OPCML: variants seen among roughly 807,000 people sequenced by gnomAD.
The protein encoded by OPCML is opioid binding protein/cell adhesion molecule like, also known as opioid-binding protein/cell adhesion molecule.
OPCML carries 13 observed loss-of-function variants against 37.8 expected under a neutral mutation model. The ratio of observed to expected loss-of-function variants is 0.34; its 90% confidence interval spans 0.22 to 0.55. The LOEUF is 0.55. OPCML is among the 20% of genes least tolerant of loss of function. OPCML has a pLI of 0.91. For synonymous variants in OPCML, 176 were observed against 168.8 expected, an observed-to-expected ratio of 1.04 and a Z score of -0.33; for missense variants, 341 against 435.6, an observed-to-expected ratio of 0.78 and a Z score of 1.93.
chr11:133,531,592 A>T (rs1419499954), intron 1 of OPCML, among the ~76,000 whole-genome samples: 2 of 152,134 alleles, frequency 1.3e-5, no homozygotes, highest in Non-Finnish European at 1.5e-5. Flanking sequence ...GACGGCAGGC[A>T]GTAGAGGGCC....
At chr11:132,924,657 C>A (rs1176735296) in intron 2 of OPCML, among the ~76,000 whole-genome samples, 1 of 152,184 alleles carries the variant, frequency 6.6e-6, no homozygotes. Context: ...TTTTTCCCCG[C>A]TAGTATCTTC....
intron 4 of OPCML, among the ~76,000 whole-genome samples, chr11:132,525,146 C>T (rs759601898): frequency 3.9e-4 from 59 of 152,276 alleles, no homozygotes; most frequent in Non-Finnish European, 6.5e-4. Flanking sequence ...TATCTGTCTA[C>T]TTTTTATATT....
rs374823658 is a variant in OPCML, at chr11:132,972,407, G to A, written c.62-29397C>T. ...GGCATGAGGGCCATCCACCTGGCAG[G>A]GGTTGTCTGAAAGCAACAGGCAACA... On this transcript the variant is annotated intron_variant, in intron 1 of 7. Coordinates refer to ENST00000524381, the MANE Select transcript of OPCML (RefSeq NM_001012393.5). Among the ~76,000 whole-genome samples, 9 of 152,260 alleles carry A rather than the reference G, an allele frequency of 5.9e-5. No homozygotes were observed. The East Asian group carries it at 1.4e-3, about 23-fold the overall frequency.
At chr11:133,098,226 T>C (rs1949033165) in intron 1 of OPCML, among the ~76,000 whole-genome samples, 1 of 151,064 alleles carries the variant, frequency 6.6e-6, no homozygotes, top group Non-Finnish European at 1.5e-5. Flanking sequence ...TTTTTTTTTT[T>C]TTTTTTGGAG....
chr11:133,507,946 CA>C (rs200433156), intron 1 of OPCML, among the ~76,000 whole-genome samples: 16,783 of 98,582 alleles, frequency 0.17, 1,262 homozygotes, highest in African/African-American at 0.3. Context: ...AAGTATGTCT[CA>C]AAAAAAAAAA....
chr11:133,310,691 C>G (rs562627109), intron 1 of OPCML, among the ~76,000 whole-genome samples: 2 of 152,264 alleles, frequency 1.3e-5, no homozygotes, highest in Non-Finnish European at 2.9e-5. Context: ...CCTGGAAGGA[C>G]TGTTCCCACC....
At chr11:132,843,568 G>A (rs1412370226) in intron 2 of OPCML, among the ~76,000 whole-genome samples, 1 of 150,950 alleles carries the variant, frequency 6.6e-6, no homozygotes, top group Non-Finnish European at 1.5e-5. Context: ...GTGAGTGCAT[G>A]TAAAACATCT....
chr11:133,148,443 C>T (rs148903422), intron 1 of OPCML, among the ~76,000 whole-genome samples: 42 of 152,342 alleles, frequency 2.8e-4, no homozygotes, highest in African/African-American at 9.4e-4. Flanking sequence ...ATGGCTCCAA[C>T]CTCTCTGAAA....
chr11:133,277,999 C>T (rs1186049320), intron 1 of OPCML, among the ~76,000 whole-genome samples: 1 of 152,086 alleles, frequency 6.6e-6, no homozygotes. Flanking sequence ...TCTGGAATGC[C>T]TCAGCAGCCC....
At chr11:132,718,698 C>T (rs1226169899) in intron 2 of OPCML, among the ~76,000 whole-genome samples, 2 of 152,130 alleles carry the variant, frequency 1.3e-5, no homozygotes, top group Non-Finnish European at 2.9e-5. Flanking sequence ...GACAGCAATG[C>T]TCTCACTGCA....
At chr11:133,120,843 G>T (rs1440542035) in intron 1 of OPCML, among the ~76,000 whole-genome samples, 1 of 152,116 alleles carries the variant, frequency 6.6e-6, no homozygotes, top group African/African-American at 2.4e-5. Flanking sequence ...GCTTCCAATG[G>T]CCAGGAAGAT....
intron 2 of OPCML, among the ~76,000 whole-genome samples, chr11:132,750,508 T>C (rs1337020752): frequency 6.6e-6 from 1 of 152,068 alleles, no homozygotes; most frequent in African/African-American, 2.4e-5. Flanking sequence ...GTGGCATGGG[T>C]GCGTGCACAC....
At chr11:132,454,402 C>T (rs888207467) in intron 4 of OPCML, among the ~76,000 whole-genome samples, 4 of 152,298 alleles carry the variant, frequency 2.6e-5, no homozygotes, top group African/African-American at 9.6e-5. Context: ...AGGACCGATG[C>T]TCAGTGAGCC....
chr11:132,705,742 ACTT>A (rs1944007257), intron 2 of OPCML, among the ~76,000 whole-genome samples: 1 of 152,142 alleles, frequency 6.6e-6, no homozygotes, highest in Non-Finnish European at 1.5e-5. Flanking sequence ...TTCATGCTGT[ACTT>A]CTTCTAAAGC....
rs189559590 is a variant in OPCML at position 132,784,581 on chromosome 11, C to A, written c.147-127262G>T. ...ACTGATGTGCGATATGGTTCGAATG[C>A]TTTGTCCCCCCCACCCCAATCTTAT... is the stretch of plus-strand genomic sequence containing the variant. On this transcript the variant is annotated intron_variant, in intron 2 of 7. Transcript: ENST00000524381. 8.6e-4 allele frequency among the ~76,000 whole-genome samples: 131 copies of A among 152,218 alleles called. 1 individual carries two copies. The highest frequency in any genetic ancestry group is 1.4e-3 in the Non-Finnish European group (95 of 68,018).
intron 1 of OPCML, among the ~76,000 whole-genome samples, chr11:133,291,924 A>G (rs904528321): frequency 3.3e-5 from 5 of 152,234 alleles, no homozygotes; most frequent in African/African-American, 4.8e-5. Flanking sequence ...CTCGCTCTGG[A>G]TGTGCGATTC....
intron 2 of OPCML, among the ~76,000 whole-genome samples, chr11:132,823,688 A>C (rs1305485084): frequency 1.3e-5 from 2 of 152,078 alleles, no homozygotes; most frequent in Admixed American, 1.3e-4. Context: ...AGCAAAACAT[A>C]ACAAAAGAAT....
intron 2 of OPCML, among the ~76,000 whole-genome samples, chr11:132,743,867 A>G (rs1042816421): frequency 6.6e-6 from 1 of 152,188 alleles, no homozygotes; most frequent in African/African-American, 2.4e-5. Context: ...GTCTCTATTC[A>G]TTTCTGTCTT....
At chr11:132,827,231 A>T (rs1940402916) in intron 2 of OPCML, among the ~76,000 whole-genome samples, 1 of 152,220 alleles carries the variant, frequency 6.6e-6, no homozygotes, top group Non-Finnish European at 1.5e-5. Flanking sequence ...ATAAAAAACA[A>T]TTGACCCAAT....
Sources: gnomAD v4.1 joint callset for allele counts (sites outside exome capture counted in the v4.1 genomes callset) on GRCh38, gnomAD v4.1.1 for gene constraint, MANE v1.5 for transcripts, NCBI Gene and HGNC (gene_info 2026-07-23, HGNC 2026-07-21) for gene names.